Variants in CHRNA5 observed in about 807,000 individuals in gnomAD.
CHRNA5 encodes the protein cholinergic receptor nicotinic alpha 5 subunit, also known as neuronal acetylcholine receptor subunit alpha-5.
Under a neutral mutation model 41.2 loss-of-function variants are expected in CHRNA5, and 28 were observed. The observed-to-expected ratio is 0.68, with a 90% CI of 0.50 to 0.93. CHRNA5 has a LOEUF of 0.93. Ranked by LOEUF, CHRNA5 falls within the 40% of genes least tolerant of loss-of-function variation. The pLI is 0.00. For missense variants in CHRNA5, 481 were observed against 581.9 expected, an observed-to-expected ratio of 0.83 and a Z score of 1.78; for synonymous variants, 188 against 205.8, an observed-to-expected ratio of 0.91 and a Z score of 0.74.
At chr15:78,570,340 C>T (rs1203426921) in intron 1 of CHRNA5, among the ~76,000 whole-genome samples, 2 of 150,946 alleles carry the variant, frequency 1.3e-5, no homozygotes, top group Non-Finnish European at 1.5e-5. Flanking sequence ...CTCACTGACA[C>T]CTCTGGCTCC....
At chr15:78,591,850 A>G (rs2053018662) in intron 5 of CHRNA5, among the ~76,000 whole-genome samples, 1 of 152,220 alleles carries the variant, frequency 6.6e-6, no homozygotes, top group African/African-American at 2.4e-5. Context: ...TGGTGGTAGC[A>G]TAATGAAATT....
At chr15:78,580,677 C>G in intron 1 of CHRNA5, 134 bp from the exon 2 acceptor site, 1 of 568,750 alleles carries the variant, frequency 1.8e-6, no homozygotes, top group Admixed American at 3.3e-5. Flanking sequence ...CTCTCCATGG[C>G]CCAGGTTGGA....
At chr15:78,575,810 A>G (rs566174157) in intron 1 of CHRNA5, among the ~76,000 whole-genome samples, 1 of 152,308 alleles carries the variant, frequency 6.6e-6, no homozygotes, top group African/African-American at 2.4e-5. Flanking sequence ...TGAGTAACTT[A>G]TCTATCTTTT....
chr15:78,593,297 T>C (rs759148420), exon 6 of CHRNA5: 1 of 1,513,480 alleles, frequency 6.6e-7, no homozygotes, highest in African/African-American at 1.4e-5. Flanking sequence ...AACACACATA[T>C]ATCTGATGGC....
At chr15:78,592,478 G>A (rs896025089) in intron 5 of CHRNA5, among the ~76,000 whole-genome samples, 2 of 152,180 alleles carry the variant, frequency 1.3e-5, no homozygotes, top group African/African-American at 4.8e-5. Context: ...GTAGAAAGGG[G>A]AGCCCCTGCT....
exon 6 of CHRNA5, chr15:78,594,101 A>ATAAAT: frequency 6.6e-6 from 1 of 152,362 alleles, no homozygotes; most frequent in Non-Finnish European, 1.5e-5. Context: ...CATTTTAAAA[A>ATAAAT]TAAATGAAAA....
chr15:78,572,646 G>A (rs930223729), intron 1 of CHRNA5, among the ~76,000 whole-genome samples: 2 of 151,990 alleles, frequency 1.3e-5, no homozygotes, highest in Non-Finnish European at 2.9e-5. Flanking sequence ...ACCACGCCTG[G>A]CTAATTTTGT....
chr15:78,590,558 T>G, exon 5 of CHRNA5: 2 of 1,614,204 alleles, frequency 1.2e-6, no homozygotes, highest in Non-Finnish European at 1.7e-6. Flanking sequence ...CAAAATCTTC[T>G]AGAAACACAT....
At chr15:78,574,380 CA>C (rs61655864) in intron 1 of CHRNA5, among the ~76,000 whole-genome samples, 44,485 of 123,048 alleles carry the variant, frequency 0.36, 8,374 homozygotes, top group East Asian at 0.71. Context: ...AACGCTGTCT[CA>C]AAAAAAAAAA....
chr15:78,573,320 G>A (rs916565452), intron 1 of CHRNA5, among the ~76,000 whole-genome samples: 5 of 152,232 alleles, frequency 3.3e-5, no homozygotes, highest in African/African-American at 1.2e-4. Flanking sequence ...GAATATGCAG[G>A]TGATGCACTG....
At chr15:78,587,617 T>G (rs1340418460) in intron 3 of CHRNA5, among the ~76,000 whole-genome samples, 1 of 152,128 alleles carries the variant, frequency 6.6e-6, no homozygotes, top group Non-Finnish European at 1.5e-5. Context: ...TATAGGCCAC[T>G]GCAAGGATTC....
intron 2 of CHRNA5, among the ~76,000 whole-genome samples, chr15:78,585,137 C>T (rs1164208602): frequency 1.2e-4 from 18 of 152,148 alleles, no homozygotes; most frequent in African/African-American, 4.3e-4. Flanking sequence ...AGTCTGGTCT[C>T]GAACTCCTGA....
At chr15:78,573,792 A>ATT (rs775402423) in intron 1 of CHRNA5, among the ~76,000 whole-genome samples, 11 of 139,812 alleles carry the variant, frequency 7.9e-5, no homozygotes, top group East Asian at 2.1e-4. Flanking sequence ...TGTTCCTAGA[A>ATT]TTTTTTTTTT....
At chr15:78,569,965 A>G (rs2052786020) in intron 1 of CHRNA5, among the ~76,000 whole-genome samples, 1 of 151,464 alleles carries the variant, frequency 6.6e-6, no homozygotes. Context: ...GATTACAGGC[A>G]TGTGCCACCA....
intron 1 of CHRNA5, among the ~76,000 whole-genome samples, chr15:78,574,138 G>C (rs928428157): frequency 6.6e-6 from 1 of 151,126 alleles, no homozygotes; most frequent in Non-Finnish European, 1.5e-5. Context: ...AAATCCTCAG[G>C]GGGAGGCCAA....
intron 5 of CHRNA5, among the ~76,000 whole-genome samples, chr15:78,592,211 A>C (rs76474922): frequency 0.066 from 10,018 of 152,198 alleles, 343 homozygotes; most frequent in Middle Eastern, 0.12. Context: ...AGTCCCAGCC[A>C]CCTGGGAGGC....
At position 78,585,790 on chromosome 15, in the gene CHRNA5, TC is replaced by T. The variant is rs2052955018; in HGVS notation, c.259-854del. On this transcript the variant is annotated intron_variant, in intron 2 of 5. Coordinates refer to ENST00000299565, the Ensembl canonical transcript of CHRNA5. ...CTTTTTCTTTTTCTTTTCTTTTCTT[TC>T]TTTTTTTTTTTGAGATGGAGTCTCG... Among the ~76,000 whole-genome samples the T allele has an allele frequency of 3.0e-5, 3 of 99,642 alleles. No homozygotes were observed. In the Admixed American group the frequency reaches 3.8e-4, roughly 13 times the overall value. The allele number at this position is 99,642 out of a possible 152,430, so 65.4% of individuals were successfully genotyped here.
At chr15:78,581,738 A>G (rs1219981477) in intron 2 of CHRNA5, among the ~76,000 whole-genome samples, 1 of 152,202 alleles carries the variant, frequency 6.6e-6, no homozygotes, top group Non-Finnish European at 1.5e-5. Context: ...CCCGGAGATG[A>G]CTAATGTTAA....
exon 6 of CHRNA5, chr15:78,593,237 G>A (rs751038368): frequency 5.6e-6 from 9 of 1,609,694 alleles, no homozygotes; most frequent in Non-Finnish European, 7.6e-6. Context: ...GTTCATATTG[G>A]AAATGCAAAT....
Sources: allele counts gnomAD v4.1 joint callset (sites outside exome capture counted in the v4.1 genomes callset), GRCh38; gene constraint gnomAD v4.1.1; transcripts MANE v1.5; gene names NCBI Gene and HGNC (gene_info 2026-07-23, HGNC 2026-07-21).